PCDHGA8: variants seen among roughly 807,000 people sequenced by gnomAD.
PCDHGA8 encodes protocadherin gamma subfamily A, 8.
Under a neutral mutation model 59.2 loss-of-function variants are expected in PCDHGA8, and 45 were observed. The ratio of observed to expected loss-of-function variants is 0.76; its 90% CI spans 0.60 to 0.98. PCDHGA8 has a LOEUF of 0.98. Among genes scored for constraint, PCDHGA8 ranks in the 50% least tolerant of loss-of-function variants. PCDHGA8 has a pLI of 0.00. For missense variants in PCDHGA8, 1,257 were observed against 1,196.2 expected, an observed-to-expected ratio of 1.05 and a Z score of -0.75; for synonymous variants, 531 against 519.0, an observed-to-expected ratio of 1.02 and a Z score of -0.32.
At chr5:141,417,770 T>G in intron 1 of PCDHGA8, 1 of 1,456,418 alleles carries the variant, frequency 6.9e-7, no homozygotes, top group Non-Finnish European at 9.1e-7. Context: ...CCGGGACTCC[T>G]CCTGTCCTGG....
chr5:141,406,620 C>T (rs1355085005), intron 1 of PCDHGA8, among the ~76,000 whole-genome samples: 1 of 152,148 alleles, frequency 6.6e-6, no homozygotes, highest in Non-Finnish European at 1.5e-5. Flanking sequence ...CTTTTATTCT[C>T]ATATCTTCAA....
intron 1 of PCDHGA8, chr5:141,409,345 A>G (rs1012428329): frequency 6.2e-7 from 1 of 1,614,020 alleles, no homozygotes; most frequent in Non-Finnish European, 8.5e-7. Flanking sequence ...GAAATGGAGA[A>G]GTCAGGTGTA....
intron 1 of PCDHGA8, chr5:141,410,797 C>T: frequency 3.0e-6 from 2 of 675,992 alleles, no homozygotes; most frequent in South Asian, 3.2e-5. Flanking sequence ...TCATAAGTTG[C>T]TCTATCTTTT....
chr5:141,483,472 T>C (rs1457039859), intron 1 of PCDHGA8, among the ~76,000 whole-genome samples: 2 of 152,076 alleles, frequency 1.3e-5, no homozygotes, highest in Non-Finnish European at 2.9e-5. Flanking sequence ...TGACATGATA[T>C]AGGAAGTGAG....
chr5:141,417,851 G>T (rs1196210157), intron 1 of PCDHGA8: 1 of 1,543,508 alleles, frequency 6.5e-7, no homozygotes. Flanking sequence ...GCGAGAACCC[G>T]AGCGAACGAT....
chr5:141,481,733 C>A (rs2099543522), intron 1 of PCDHGA8, among the ~76,000 whole-genome samples: 1 of 152,078 alleles, frequency 6.6e-6, no homozygotes, highest in Admixed American at 6.6e-5. Context: ...GCGGGCGGAT[C>A]ACGAGGTCAG....
At chr5:141,488,687 GA>G (rs1238909682) in intron 1 of PCDHGA8, among the ~76,000 whole-genome samples, 1 of 152,192 alleles carries the variant, frequency 6.6e-6, no homozygotes, top group East Asian at 1.9e-4. Flanking sequence ...GCCTCTCCCA[GA>G]AGGACAAGAT....
At position 141,485,163 on chromosome 5, in the gene PCDHGA8, G is replaced by A. The variant is rs2099608470; in HGVS notation, c.2425-9644G>A. 14 of 1,604,624 alleles carry A rather than the reference G, an allele frequency of 8.7e-6. No individual in the cohort carries two copies. The highest frequency in any genetic ancestry group is 1.1e-5 in the Non-Finnish European group (13 of 1,172,560). ...TCTCAGGAGCAAGTAGAGAATTAGCGGGCGGCAGCAATGCTCCGCAAGGTG... is the reference window on the plus strand; with the variant it reads ...TCTCAGGAGCAAGTAGAGAATTAGCAGGCGGCAGCAATGCTCCGCAAGGTG... On this transcript the variant is annotated intron_variant, in intron 1 of 3. Coordinates refer to ENST00000398604, the MANE Select transcript of PCDHGA8 (RefSeq NM_032088.2). The surrounding 1 kb of genome is among the most constrained non-coding windows in gnomAD (Gnocchi z 5.7).
intron 1 of PCDHGA8, chr5:141,409,789 G>C (rs1390138666): frequency 1.2e-6 from 2 of 1,611,918 alleles, no homozygotes; most frequent in African/African-American, 2.7e-5. Context: ...GCGCCTTCGC[G>C]CTCACGCTGC....
rs1053132512 is a variant in PCDHGA8 at position 141,409,714 on chromosome 5, C to A, written c.2424+14477C>A. The A allele has an allele frequency of 3.7e-6, 6 of 1,613,108 alleles. No individual in the cohort carries two copies. The African/African-American group carries it at 8.0e-5, about 22-fold the overall frequency. On this transcript the variant is annotated intron_variant, in intron 1 of 3. Transcript: ENST00000398604. ...TAGAGCCCCTGGCGGTGTCGTCATACGTGTCAGTGAGCGCGCAGAGCGGGG... is the reference window on the plus strand; with the variant it reads ...TAGAGCCCCTGGCGGTGTCGTCATAAGTGTCAGTGAGCGCGCAGAGCGGGG...
rs2154591169 is a variant in PCDHGA8 at position 141,493,606 on chromosome 5, T to A, written c.2425-1201T>A. Among the ~76,000 whole-genome samples, 1 of 152,278 alleles carries A rather than the reference T, an allele frequency of 6.6e-6. No homozygotes were observed. Among genetic ancestry groups the A allele is most frequent in the Non-Finnish European group, 1.5e-5 (1 of 68,022 alleles). ...ACAATCACTGCATTTCCATGTAGAT[T>A]CTGCTGTGTCTAAGAATACAGTGGC... On this transcript the variant is annotated intron_variant, in intron 1 of 3. Transcript: ENST00000398604. This position sits in a 1 kb window ranked among gnomAD's most constrained non-coding sequence, Gnocchi z 4.3.
At chr5:141,506,084 C>T (rs1426222889) in intron 3 of PCDHGA8, among the ~76,000 whole-genome samples, 8 of 152,068 alleles carry the variant, frequency 5.3e-5, no homozygotes, top group African/African-American at 1.9e-4. Flanking sequence ...AATAGAGATT[C>T]GGCTAGTGGT....
intron 1 of PCDHGA8, chr5:141,415,740 G>GTTTTTTTTTTTTTTTTTTT (rs57426385): frequency 1.1e-5 from 7 of 625,046 alleles, no homozygotes; most frequent in Admixed American, 7.1e-5. Context: ...GTTTATTAAG[G>GTTTTTTTTTTTTTTTTTTT]TTTTTTTTTT....
chr5:141,505,284 G>A, intron 2 of PCDHGA8, 109 bp from the exon 3 acceptor site: 1 of 1,548,402 alleles, frequency 6.5e-7, no homozygotes. Flanking sequence ...CAGGTCTTGG[G>A]CATGGGGTAG....
chr5:141,441,289 T>C (rs1350801949), intron 1 of PCDHGA8: 1 of 152,212 alleles, frequency 6.6e-6, no homozygotes, highest in Non-Finnish European at 1.5e-5. Flanking sequence ...CGAGGTCACA[T>C]GTCTGATATA....
intron 1 of PCDHGA8, chr5:141,409,656 G>A: frequency 6.2e-7 from 1 of 1,613,618 alleles, no homozygotes; most frequent in South Asian, 1.1e-5. Context: ...GGGCTCAATG[G>A]CCACATCTCC....
chr5:141,498,960 G>GGAGA (rs1381042115), intron 2 of PCDHGA8, among the ~76,000 whole-genome samples: 9 of 118,744 alleles, frequency 7.6e-5, no homozygotes, highest in African/African-American at 2.8e-4. Context: ...AGAGAGAGAG[G>GGAGA]GAGGGAGGGA....
chr5:141,461,429 T>A lies in PCDHGA8; in HGVS notation c.2425-33378T>A, dbSNP rs193056679. On this transcript the variant is annotated intron_variant, in intron 1 of 3. Coordinates refer to ENST00000398604, the MANE Select transcript of PCDHGA8 (RefSeq NM_032088.2). The stretch of plus-strand genomic sequence containing the variant: ...TTTTCATATGTTTGTGGGCCATTTG[T>A]ATACCTTCTTTTGAGAAATGGCTAT... Among the ~76,000 whole-genome samples the A allele has an allele frequency of 5.6e-4, 85 of 152,328 alleles. 1 individual carries two copies. The highest frequency in any genetic ancestry group is 1.5e-3 in the African/African-American group (64 of 41,580).
chr5:141,397,092 G>A (rs1422724446), intron 1 of PCDHGA8, among the ~76,000 whole-genome samples: 3 of 152,136 alleles, frequency 2.0e-5, no homozygotes, highest in South Asian at 2.1e-4. Flanking sequence ...ATTTCAGATA[G>A]GATAATAATG....
Sources: gnomAD v4.1 joint callset for allele counts (sites outside exome capture counted in the v4.1 genomes callset) on GRCh38, gnomAD v4.1.1 for gene constraint, Gnocchi (gnomAD v3.1) non-coding constraint, MANE v1.5 for transcripts, NCBI Gene and HGNC (gene_info 2026-07-23, HGNC 2026-07-21) for gene names.